Variants in CDC42BPA observed in about 807,000 individuals in gnomAD.
The protein encoded by CDC42BPA is CDC42 binding protein kinase alpha.
A neutral mutation model predicts 223.5 loss-of-function variants in CDC42BPA; 80 were observed. The ratio of observed to expected loss-of-function variants is 0.36; its 90% confidence interval spans 0.30 to 0.43. CDC42BPA has a LOEUF of 0.43. Ranked by LOEUF, CDC42BPA falls within the 20% of genes least tolerant of loss-of-function variation. The probability of loss-of-function intolerance (pLI) is 1.00; values close to 1 mark genes in which losing one functional copy is unlikely to be tolerated. For synonymous variants in CDC42BPA, 694 were observed against 718.6 expected (o/e 0.97, Z 0.55); for missense variants, 1,743 against 2,099.9 (o/e 0.83, Z 3.32).
At chr1:227,126,069 C>A (rs1266083100) in intron 11 of CDC42BPA, among the ~76,000 whole-genome samples, 1 of 151,950 alleles carries the variant, frequency 6.6e-6, no homozygotes, top group East Asian at 1.9e-4. Flanking sequence ...TCCCACCTAG[C>A]AGACTGGGAT....
chr1:227,067,226 G>A (rs540733988), intron 21 of CDC42BPA, among the ~76,000 whole-genome samples: 2 of 152,246 alleles, frequency 1.3e-5, no homozygotes, highest in African/African-American at 4.8e-5. Flanking sequence ...CAGGTGGGTG[G>A]CAGCAGTGGC....
chr1:227,164,232 T>G (rs1030647349), intron 5 of CDC42BPA, among the ~76,000 whole-genome samples: 6 of 152,150 alleles, frequency 3.9e-5, no homozygotes, highest in African/African-American at 1.4e-4. Context: ...GAGCTTCCTA[T>G]CGGCAGAGCA....
chr1:227,017,232 G>A (rs917024233), intron 32 of CDC42BPA, among the ~76,000 whole-genome samples, 182 bp from the exon 33 acceptor site: 3 of 152,108 alleles, frequency 2.0e-5, no homozygotes, highest in Non-Finnish European at 4.4e-5. Context: ...CAGATAATAT[G>A]CTGAAAGTAA....
chr1:226,994,125 A>T lies in CDC42BPA; in HGVS notation c.*143T>A. Reference sequence around the variant, plus strand: ...GCGTGGATCTGAGAGTCGTGTCGTCAGAACTCCTGAATCCCTGTCCTGCTA... The same window carrying T: ...GCGTGGATCTGAGAGTCGTGTCGTCTGAACTCCTGAATCCCTGTCCTGCTA... On this transcript the variant is annotated 3_prime_UTR_variant, in exon 37 of 37. Transcript: ENST00000366766. The surrounding 1 kb of genome is among the most constrained non-coding windows in gnomAD (Gnocchi z 4.0). 1 of 678,902 alleles carries T rather than the reference A, an allele frequency of 1.5e-6. No individual in the cohort carries two copies. Among genetic ancestry groups the T allele is most frequent in the Non-Finnish European group, 2.4e-6 (1 of 413,838 alleles). 42.1% of individuals were successfully genotyped at this position (678,902 alleles called of 1,614,324 possible).
At chr1:227,156,622 T>A (rs1045780764) in intron 6 of CDC42BPA, among the ~76,000 whole-genome samples, 1 of 152,144 alleles carries the variant, frequency 6.6e-6, no homozygotes, top group African/African-American at 2.4e-5. Flanking sequence ...AATGAATGAC[T>A]GGGAGGACAC....
intron 32 of CDC42BPA, among the ~76,000 whole-genome samples, chr1:227,017,474 C>A (rs555747460): frequency 2.6e-5 from 4 of 152,082 alleles, no homozygotes; most frequent in Non-Finnish European, 5.9e-5. Context: ...AAATGGTAAG[C>A]CTGATTTACC....
At chr1:227,299,641 T>C (rs1057224817) in intron 1 of CDC42BPA, among the ~76,000 whole-genome samples, 1 of 152,230 alleles carries the variant, frequency 6.6e-6, no homozygotes, top group Non-Finnish European at 1.5e-5. Context: ...AGATTTATTA[T>C]GTAAATTTTT....
At chr1:227,038,073 G>C (rs1402496847) in intron 24 of CDC42BPA, among the ~76,000 whole-genome samples, 1 of 152,150 alleles carries the variant, frequency 6.6e-6, no homozygotes, top group Non-Finnish European at 1.5e-5. Flanking sequence ...ATCTTGAATT[G>C]TAGCTCCCAT....
At chr1:227,285,512 A>G (rs545528264) in intron 1 of CDC42BPA, among the ~76,000 whole-genome samples, 1 of 152,340 alleles carries the variant, frequency 6.6e-6, no homozygotes, top group African/African-American at 2.4e-5. Context: ...CCATCTAGCC[A>G]GGAAATTACT....
intron 35 of CDC42BPA, among the ~76,000 whole-genome samples, chr1:226,998,934 TAAAC>T (rs1662202950): frequency 6.6e-6 from 1 of 151,944 alleles, no homozygotes; most frequent in South Asian, 2.1e-4. Flanking sequence ...ACAAGGAACT[TAAAC>T]AAATTTACAA....
rs770140214 is a variant in CDC42BPA at position 227,160,592 on chromosome 1, A to G, written c.644T>C (p.Ile215Thr). The change falls in exon 6 of 37, where the codon ATT becomes ACT. Residue 215 changes from isoleucine to threonine, a missense_variant. This residue lies in a region of CDC42BPA where 321 missense variants were observed against 488.7 expected (regional missense o/e 0.66). Coordinates refer to ENST00000366766, the MANE Select transcript of CDC42BPA (RefSeq NM_001394014.1). Reference protein sequence around the residue: ...DNILMDMNGHIRLADFGSCLK... With the variant: ...DNILMDMNGHTRLADFGSCLK... ...ACAAGAACCAAAATCTGCTAACCGA[A>G]TATGTCCATTCATATCCATCAGTAT... 4 of 1,609,298 alleles carry G rather than the reference A, an allele frequency of 2.5e-6. No homozygotes were observed. Among genetic ancestry groups the G allele is most frequent in the Non-Finnish European group, 3.4e-6 (4 of 1,175,982 alleles).
chr1:227,145,099 G>C (rs1175586158), intron 8 of CDC42BPA, among the ~76,000 whole-genome samples: 239 of 152,172 alleles, frequency 1.6e-3, no homozygotes, highest in African/African-American at 5.6e-3. Flanking sequence ...TTCAATTGTT[G>C]TATCAGGCCC....
chr1:227,179,635 C>CAAAA (rs59744442), intron 5 of CDC42BPA, among the ~76,000 whole-genome samples: 2,642 of 34,178 alleles, frequency 0.077, 854 homozygotes, highest in Non-Finnish European at 0.076. Flanking sequence ...GCCTCCATCT[C>CAAAA]AAAAAAAAAA....
chr1:227,026,228 CTAAATAA>C, intron 30 of CDC42BPA, 76 bp from the exon 31 acceptor site: 1 of 755,518 alleles, frequency 1.3e-6, no homozygotes, highest in Non-Finnish European at 2.2e-6. Flanking sequence ...AAGGTCTACA[CTAAATAA>C]CTGTAGAGTG....
chr1:227,193,447 T>G (rs773340249), intron 5 of CDC42BPA, among the ~76,000 whole-genome samples: 16 of 152,058 alleles, frequency 1.1e-4, no homozygotes, highest in Non-Finnish European at 1.9e-4. Flanking sequence ...TGCAATATAG[T>G]GTACCCATCA....
At chr1:227,294,902 G>A (rs1232428636) in intron 1 of CDC42BPA, among the ~76,000 whole-genome samples, 1 of 134,336 alleles carries the variant, frequency 7.4e-6, no homozygotes, top group Admixed American at 7.8e-5. Flanking sequence ...TAATTAACTT[G>A]CACTAGATCA....
intron 5 of CDC42BPA, among the ~76,000 whole-genome samples, chr1:227,176,780 C>A (rs1407542079): frequency 6.6e-6 from 1 of 152,054 alleles, no homozygotes; most frequent in Non-Finnish European, 1.5e-5. Context: ...AAGAGGAATT[C>A]ATGGAAACAA....
At chr1:227,138,595 A>G (rs888039622) in intron 10 of CDC42BPA, among the ~76,000 whole-genome samples, 1 of 151,870 alleles carries the variant, frequency 6.6e-6, no homozygotes, top group East Asian at 1.9e-4. Context: ...TGATAGGTTA[A>G]AAGGTGAAGA....
At chr1:227,142,017 A>G (rs948524996) in intron 9 of CDC42BPA, among the ~76,000 whole-genome samples, 2 of 152,192 alleles carry the variant, frequency 1.3e-5, no homozygotes, top group Non-Finnish European at 2.9e-5. Context: ...TGAGTGGAAG[A>G]GTGAATATAC....
Sources: gnomAD v4.1 joint callset for allele counts (sites outside exome capture counted in the v4.1 genomes callset) on GRCh38, gnomAD v4.1.1 for gene constraint, gnomAD v4.1.1 regional missense constraint, Gnocchi (gnomAD v3.1) non-coding constraint, MANE v1.5 for transcripts, NCBI Gene and HGNC (gene_info 2026-07-23, HGNC 2026-07-21) for gene names.